The following PRKG1 variants were observed in gnomAD, a reference collection of about 807,000 sequenced individuals.
PRKG1 encodes protein kinase cGMP-dependent 1, also known as cGMP-dependent protein kinase 1.
A neutral mutation model predicts 88.1 loss-of-function variants in PRKG1; 35 were observed. The ratio of observed to expected loss-of-function variants is 0.40; its 90% CI spans 0.30 to 0.53. PRKG1 has a LOEUF of 0.53. Among genes scored for constraint, PRKG1 ranks in the 20% least tolerant of loss-of-function variants. The pLI is 0.59. For synonymous variants in PRKG1, 303 were observed against 292.5 expected, an observed-to-expected ratio of 1.04 and a Z score of -0.37; for missense variants, 540 against 839.8, an observed-to-expected ratio of 0.64 and a Z score of 4.41.
intron 1 of PRKG1, among the ~76,000 whole-genome samples, chr10:51,058,273 A>G (rs1162558902): frequency 6.6e-6 from 1 of 152,016 alleles, no homozygotes; most frequent in Non-Finnish European, 1.5e-5. Context: ...TATATTATAA[A>G]TATCTTTCCC....
intron 5 of PRKG1, among the ~76,000 whole-genome samples, chr10:52,002,093 T>C (rs922549404): frequency 1.3e-5 from 2 of 152,156 alleles, no homozygotes; most frequent in Admixed American, 6.5e-5. Context: ...AGAAATATTA[T>C]TCTTTCTACA....
At chr10:51,261,202 T>C (rs1300400451) in intron 2 of PRKG1, among the ~76,000 whole-genome samples, 2 of 152,238 alleles carry the variant, frequency 1.3e-5, no homozygotes, top group Admixed American at 6.5e-5. Context: ...ATTATTATTT[T>C]CAATGGGTCA....
At chr10:52,270,587 G>A (rs1018432479) in intron 10 of PRKG1, among the ~76,000 whole-genome samples, 2 of 151,906 alleles carry the variant, frequency 1.3e-5, no homozygotes, top group Non-Finnish European at 2.9e-5. Context: ...GGATGAAGCT[G>A]GAAACCATCA....
intron 3 of PRKG1, among the ~76,000 whole-genome samples, chr10:51,627,055 A>G (rs1390213522): frequency 6.6e-6 from 1 of 152,174 alleles, no homozygotes; most frequent in African/African-American, 2.4e-5. Flanking sequence ...GTAAAAATAT[A>G]AGTTCTATTA....
intron 3 of PRKG1, among the ~76,000 whole-genome samples, chr10:51,791,022 G>A (rs1198390138): frequency 1.3e-5 from 2 of 151,952 alleles, no homozygotes; most frequent in Non-Finnish European, 2.9e-5. Context: ...AATCTTAATA[G>A]GCAACCCTAT....
At chr10:51,252,550 A>C (rs2132143814) in intron 2 of PRKG1, among the ~76,000 whole-genome samples, 1 of 151,846 alleles carries the variant, frequency 6.6e-6, no homozygotes, top group African/African-American at 2.4e-5. Flanking sequence ...ATCCTTAGTA[A>C]GTTCTGTTCT....
intron 2 of PRKG1, among the ~76,000 whole-genome samples, chr10:51,393,623 T>A (rs1398598789): frequency 6.6e-6 from 1 of 152,208 alleles, no homozygotes; most frequent in Non-Finnish European, 1.5e-5. Context: ...GGCAAAAAGA[T>A]GAAATTAGTT....
At chr10:51,353,155 T>G (rs1278060699) in intron 2 of PRKG1, among the ~76,000 whole-genome samples, 3 of 152,086 alleles carry the variant, frequency 2.0e-5, no homozygotes, top group Admixed American at 1.3e-4. Context: ...CAAAATAGAT[T>G]AACAATTTAA....
intron 3 of PRKG1, among the ~76,000 whole-genome samples, chr10:51,590,457 G>C (rs1355203383): frequency 1.3e-5 from 2 of 152,140 alleles, no homozygotes; most frequent in African/African-American, 4.8e-5. Flanking sequence ...GGATATTAAT[G>C]TTCTTTTTAC....
intron 1 of PRKG1, among the ~76,000 whole-genome samples, chr10:51,151,130 CAAAA>C (rs56202198): frequency 5.8e-5 from 7 of 119,862 alleles, no homozygotes; most frequent in Admixed American, 8.3e-5. Context: ...CACTCTCTGA[CAAAA>C]AAAAAAAAAA....
At chr10:51,381,309 A>C (rs1837095670) in intron 2 of PRKG1, among the ~76,000 whole-genome samples, 1 of 147,122 alleles carries the variant, frequency 6.8e-6, no homozygotes, top group Non-Finnish European at 1.5e-5. Context: ...AAGGAAATGA[A>C]AAAAGTATGG....
At chr10:51,922,839 A>G (rs1355865176) in intron 5 of PRKG1, among the ~76,000 whole-genome samples, 2 of 152,058 alleles carry the variant, frequency 1.3e-5, no homozygotes, top group South Asian at 2.1e-4. Context: ...TGAATGTTCC[A>G]TGTAAACCTG....
At chr10:51,364,191 C>T (rs1279980770) in intron 2 of PRKG1, among the ~76,000 whole-genome samples, 1 of 151,900 alleles carries the variant, frequency 6.6e-6, no homozygotes, top group African/African-American at 2.4e-5. Flanking sequence ...TATTTTAGTC[C>T]ATTTACTTGA....
At chr10:51,860,232 C>A (rs1937714) in intron 4 of PRKG1, among the ~76,000 whole-genome samples, 3 of 151,866 alleles carry the variant, frequency 2.0e-5, no homozygotes, top group African/African-American at 4.8e-5. Flanking sequence ...AAAAAACAAC[C>A]CTCAAAGTTT....
chr10:51,789,343 A>C (rs1838808762), intron 3 of PRKG1, among the ~76,000 whole-genome samples: 1 of 152,166 alleles, frequency 6.6e-6, no homozygotes, highest in Non-Finnish European at 1.5e-5. Context: ...CACAAACTCT[A>C]TCTCAGTAGC....
intron 5 of PRKG1, among the ~76,000 whole-genome samples, chr10:51,997,402 C>T (rs2454546): frequency 0.41 from 60,017 of 147,536 alleles, 12,260 homozygotes; most frequent in Admixed American, 0.44. Flanking sequence ...ACCCGGGAGG[C>T]GGAGGTTGCA....
chr10:51,989,507 A>T (rs935436156), intron 5 of PRKG1, among the ~76,000 whole-genome samples: 3 of 152,044 alleles, frequency 2.0e-5, no homozygotes, highest in Non-Finnish European at 4.4e-5. Context: ...ACACATCTCC[A>T]GAGGTGAATT....
chr10:51,281,104 C>T (rs578009562), intron 2 of PRKG1, among the ~76,000 whole-genome samples: 1 of 152,298 alleles, frequency 6.6e-6, no homozygotes, highest in South Asian at 2.1e-4. Context: ...AGCTGCAGGT[C>T]TGTTGGAGTT....
At chr10:52,060,480 C>T (rs903757138) in intron 6 of PRKG1, among the ~76,000 whole-genome samples, 2 of 151,570 alleles carry the variant, frequency 1.3e-5, no homozygotes, top group African/African-American at 4.8e-5. Context: ...TGAACAACAA[C>T]AAAAATAATC....
Sources: allele counts gnomAD v4.1 joint callset (sites outside exome capture counted in the v4.1 genomes callset), GRCh38; gene constraint gnomAD v4.1.1; transcripts MANE v1.5; gene names NCBI Gene and HGNC (gene_info 2026-07-23, HGNC 2026-07-21).